Variants in KCNIP1 observed in about 807,000 individuals in gnomAD.
KCNIP1 encodes potassium voltage-gated channel interacting protein 1, also known as A-type potassium channel modulatory protein KCNIP1.
KCNIP1 carries 18 observed loss-of-function variants against 33.0 expected under a neutral mutation model. The observed-to-expected ratio is 0.55, with a 90% CI of 0.38 to 0.81. The LOEUF (loss-of-function observed/expected upper bound fraction) is 0.81. KCNIP1 is among the 30% of genes least tolerant of loss of function. KCNIP1 has a pLI of 0.00. For missense variants in KCNIP1, 238 were observed against 271.6 expected, an observed-to-expected ratio of 0.88 and a Z score of 0.87; for synonymous variants, 93 against 98.3, an observed-to-expected ratio of 0.95 and a Z score of 0.32.
At chr5:170,604,632 G>A (rs1758829719) in intron 1 of KCNIP1, among the ~76,000 whole-genome samples, 2 of 152,120 alleles carry the variant, frequency 1.3e-5, no homozygotes, top group South Asian at 2.1e-4. Flanking sequence ...GAAAATTGAG[G>A]TCCTATTCCC....
intron 1 of KCNIP1, among the ~76,000 whole-genome samples, chr5:170,582,299 A>G (rs1209296949): frequency 6.6e-6 from 1 of 152,228 alleles, no homozygotes; most frequent in Non-Finnish European, 1.5e-5. Flanking sequence ...TCCACCATAT[A>G]CTTGTTGAGT....
intron 1 of KCNIP1, among the ~76,000 whole-genome samples, chr5:170,410,503 CTT>C (rs33956860): frequency 7.0e-4 from 103 of 147,846 alleles, no homozygotes; most frequent in African/African-American, 2.4e-3. Context: ...GGAAGGCTGG[CTT>C]TTTTTTTTTT....
chr5:170,582,280 G>A (rs1757823601), intron 1 of KCNIP1, among the ~76,000 whole-genome samples: 1 of 152,224 alleles, frequency 6.6e-6, no homozygotes, highest in Non-Finnish European at 1.5e-5. Flanking sequence ...TAGCAGGTTG[G>A]CAGGTGGCTC....
At chr5:170,462,152 G>T (rs1470846600) in intron 1 of KCNIP1, among the ~76,000 whole-genome samples, 1 of 149,098 alleles carries the variant, frequency 6.7e-6, no homozygotes, top group Non-Finnish European at 1.5e-5. Flanking sequence ...ACAGCAAAAT[G>T]AACAGTCAGC....
intron 1 of KCNIP1, among the ~76,000 whole-genome samples, chr5:170,585,494 C>T (rs76305405): frequency 0.086 from 13,127 of 152,130 alleles, 636 homozygotes; most frequent in South Asian, 0.12. Flanking sequence ...GGCTCCACTC[C>T]CTATTACTCA....
intron 1 of KCNIP1, among the ~76,000 whole-genome samples, chr5:170,587,986 C>G (rs946576282): frequency 1.3e-5 from 2 of 152,210 alleles, no homozygotes; most frequent in African/African-American, 2.4e-5. Context: ...TGCACTGAGG[C>G]AAGCCTGACC....
chr5:170,457,416 C>G (rs1756409214), intron 1 of KCNIP1, among the ~76,000 whole-genome samples: 1 of 152,196 alleles, frequency 6.6e-6, no homozygotes, highest in Admixed American at 6.5e-5. Context: ...AACCCACAGA[C>G]CCTCTGAAGG....
intron 1 of KCNIP1, among the ~76,000 whole-genome samples, chr5:170,513,361 A>G (rs1312432518): frequency 2.0e-5 from 3 of 152,246 alleles, no homozygotes; most frequent in Admixed American, 6.5e-5. Context: ...GTCATCTCAT[A>G]TAAATTGTTA....
chr5:170,711,968 G>T (rs1763461751), intron 1 of KCNIP1, among the ~76,000 whole-genome samples: 1 of 152,122 alleles, frequency 6.6e-6, no homozygotes, highest in Non-Finnish European at 1.5e-5. Context: ...TGGCTGAGCT[G>T]CCTTACACAC....
chr5:170,358,724 C>T (rs1480691070), intron 1 of KCNIP1, among the ~76,000 whole-genome samples: 1 of 152,252 alleles, frequency 6.6e-6, no homozygotes, highest in African/African-American at 2.4e-5. Context: ...CCCTAGGCAC[C>T]TTCCTTGCCT....
In KCNIP1 at chr5:170,723,279, G is replaced by A. The variant is rs139936546; in HGVS notation, c.435+459G>A. Among the ~76,000 whole-genome samples the A allele has an allele frequency of 1.4e-4, 22 of 152,276 alleles. 1 individual carries two copies. In the East Asian group the frequency reaches 2.5e-3, roughly 17 times the overall value. On this transcript the variant is annotated intron_variant, in intron 5 of 7. Coordinates refer to ENST00000328939, the MANE Select transcript of KCNIP1 (RefSeq NM_014592.4). ...AACTATTTTGCCTATTAATACAACCGCCAAGGGGGTAATGGAAGGTACAGC... is the reference window on the plus strand; with the variant it reads ...AACTATTTTGCCTATTAATACAACCACCAAGGGGGTAATGGAAGGTACAGC...
At chr5:170,702,251 G>C (rs1056371994) in intron 1 of KCNIP1, among the ~76,000 whole-genome samples, 1 of 152,168 alleles carries the variant, frequency 6.6e-6, no homozygotes, top group African/African-American at 2.4e-5. Context: ...TAATAAGGTT[G>C]TGAAAAGAAC....
chr5:170,474,803 G>A (rs1271828215), intron 1 of KCNIP1, among the ~76,000 whole-genome samples: 1 of 152,218 alleles, frequency 6.6e-6, no homozygotes, highest in African/African-American at 2.4e-5. Flanking sequence ...CCTTCACGGG[G>A]AGTGTGACAG....
chr5:170,628,466 T>C (rs373143765), intron 1 of KCNIP1, among the ~76,000 whole-genome samples: 106 of 152,244 alleles, frequency 7.0e-4, no homozygotes, highest in African/African-American at 2.4e-3. Context: ...TTCAACTTCA[T>C]CTCTCTAACT....
chr5:170,396,774 G>A (rs1290980864), intron 1 of KCNIP1, among the ~76,000 whole-genome samples: 2 of 152,154 alleles, frequency 1.3e-5, no homozygotes, highest in Non-Finnish European at 2.9e-5. Flanking sequence ...GCAGGCTTCA[G>A]AAAGAATAAA....
At chr5:170,424,478 G>A (rs1052166478) in intron 1 of KCNIP1, among the ~76,000 whole-genome samples, 12 of 151,244 alleles carry the variant, frequency 7.9e-5, no homozygotes, top group African/African-American at 2.4e-4. Context: ...ATCCCACCCC[G>A]AGGCTCCACA....
intron 5 of KCNIP1, among the ~76,000 whole-genome samples, chr5:170,730,121 TATG>T (rs1561787875): frequency 1.3e-5 from 2 of 152,260 alleles, no homozygotes; most frequent in Admixed American, 1.3e-4. Flanking sequence ...AAGTGGTATG[TATG>T]ATATCTCAAT....
chr5:170,636,412 CAG>C (rs750000967), intron 1 of KCNIP1, among the ~76,000 whole-genome samples: 3 of 152,134 alleles, frequency 2.0e-5, no homozygotes, highest in Non-Finnish European at 4.4e-5. Flanking sequence ...TGCTCTATCA[CAG>C]GGGGGTGGCC....
At chr5:170,365,303 A>T (rs988818385) in intron 1 of KCNIP1, among the ~76,000 whole-genome samples, 4 of 152,240 alleles carry the variant, frequency 2.6e-5, no homozygotes, top group Admixed American at 2.0e-4. Context: ...TGCCCTTTAA[A>T]GGTTCCAGTT....
Sources: allele counts gnomAD v4.1 joint callset (sites outside exome capture counted in the v4.1 genomes callset), GRCh38; gene constraint gnomAD v4.1.1; transcripts MANE v1.5; gene names NCBI Gene and HGNC (gene_info 2026-07-23, HGNC 2026-07-21).